Variants in FBN3 observed in about 807,000 individuals in gnomAD.
The protein encoded by FBN3 is fibrillin-3.
Under a neutral mutation model 330.1 loss-of-function variants are expected in FBN3, and 234 were observed. The ratio of observed to expected loss-of-function variants is 0.71; its 90% CI spans 0.64 to 0.79. The LOEUF is 0.79. Ranked by LOEUF, FBN3 falls within the 30% of genes least tolerant of loss-of-function variation. The pLI is 0.00. For missense variants in FBN3, 3,606 were observed against 3,886.9 expected (o/e 0.93, Z 1.92); for synonymous variants, 1,458 against 1,517.3 (o/e 0.96, Z 0.91).
chr19:8,103,612 C>G lies in FBN3; in HGVS notation c.4889G>C (p.Cys1630Ser), dbSNP rs762263164. The G allele has an allele frequency of 1.9e-6, 3 of 1,613,698 alleles. No individual in the cohort carries two copies. In the African/African-American group the frequency reaches 4.0e-5, roughly 22 times the overall value. ...TTGGAGGTACTCTGCAGGGCAGACA[C>G]AGGTGTAGTTCCCCAGGGTGTTGTA... ...TCYNTLGNYT[C>S]VCPAEYLQVN... is the part of the protein sequence containing the mutation. The change falls in exon 39 of 64, where the codon TGT (cysteine) becomes TCT (serine). Residue 1630 changes from cysteine to serine, a missense_variant. Physicochemically the swap from Cys to Ser is moderately radical, Grantham distance 112. Coordinates refer to ENST00000600128, the MANE Select transcript of FBN3 (RefSeq NM_032447.5).
chr19:8,106,961 T>C (rs2082452436), intron 37 of FBN3, among the ~76,000 whole-genome samples: 1 of 150,010 alleles, frequency 6.7e-6, no homozygotes, highest in East Asian at 2.0e-4. Context: ...GATGGATGGA[T>C]GGGAGAGTGG....
At chr19:8,068,856 G>A (rs2081449921) in intron 63 of FBN3, among the ~76,000 whole-genome samples, 1 of 152,126 alleles carries the variant, frequency 6.6e-6, no homozygotes, top group Non-Finnish European at 1.5e-5. Context: ...TTCTGAGAGA[G>A]GCAGGGAAAC....
intron 18 of FBN3, 70 bp from the exon 19 acceptor site, chr19:8,126,902 T>C: frequency 2.7e-6 from 4 of 1,488,916 alleles, no homozygotes; most frequent in Non-Finnish European, 1.8e-6. Flanking sequence ...GGACCCCTCC[T>C]CCCCAAGGGG....
At chr19:8,114,660 A>G (rs1478107568) in intron 30 of FBN3, among the ~76,000 whole-genome samples, 2 of 152,100 alleles carry the variant, frequency 1.3e-5, no homozygotes, top group African/African-American at 2.4e-5. Context: ...CATGGGCTCA[A>G]GCAGTCCTCC....
chr19:8,091,715 G>C, intron 47 of FBN3, 125 bp from the exon 48 acceptor site: 1 of 1,058,114 alleles, frequency 9.5e-7, no homozygotes, highest in Non-Finnish European at 1.4e-6. Flanking sequence ...TGGGGCTGGG[G>C]TCCTGAGAGC....
In FBN3 at chr19:8,115,637, A is replaced by C. The variant is rs1035675363; in HGVS notation, c.3716T>G (p.Val1239Gly). 1.2e-6 allele frequency: 2 copies of C among 1,613,842 alleles called. No individual in the cohort carries two copies. Among genetic ancestry groups the C allele is most frequent in the Admixed American group, 1.7e-5 (1 of 59,982 alleles). The change falls in exon 30 of 64, where the codon GTG (valine) becomes GGG (glycine). Residue 1239 changes from valine to glycine, a missense_variant. Transcript: ENST00000600128. The stretch of plus-strand genomic sequence containing the variant: ...GTGAGGGTTCAGGTCACACTCATCC[A>C]CATCTGTTGGGGAAGAGAGCATGAG... ...ATPDMRTCVD[V>G]DECDLNPHIC...
intron 6 of FBN3, among the ~76,000 whole-genome samples, 161 bp from the exon 7 acceptor site, chr19:8,142,298 AACGAACTCCTATTC>A (rs1428602987): frequency 6.6e-6 from 1 of 151,996 alleles, no homozygotes; most frequent in African/African-American, 2.4e-5. Context: ...TTCCCTACCT[AACGAACTCCTATTC>A]ACCCTTCAAA....
At position 8,120,722 on chromosome 19, in the gene FBN3, C is replaced by T. The variant is rs138119885; in HGVS notation, c.3211+536G>A. Among the ~76,000 whole-genome samples the T allele has an allele frequency of 4.4e-3, 665 of 152,348 alleles. 2 individuals are homozygous for T. Among genetic ancestry groups the T allele is most frequent in the Middle Eastern group, 0.017 (5 of 294 alleles). ...GAACTCCTGGACTCAAGCAATCCTA[C>T]TGCCTCAGCCTCTCAAAATGCTGGG... On this transcript the variant is annotated intron_variant, in intron 25 of 63. Coordinates refer to ENST00000600128, the MANE Select transcript of FBN3 (RefSeq NM_032447.5).
chr19:8,085,351 A>T lies in FBN3; in HGVS notation c.7087+12T>A, dbSNP rs753664544. 1 of 1,561,352 alleles carries T rather than the reference A, an allele frequency of 6.4e-7. No individual in the cohort carries two copies. Among genetic ancestry groups the T allele is most frequent in the Non-Finnish European group, 8.6e-7 (1 of 1,156,780 alleles). On this transcript the variant is annotated intron_variant, in intron 56 of 63. Coordinates refer to ENST00000600128, the MANE Select transcript of FBN3 (RefSeq NM_032447.5). Reference sequence around the variant, plus strand: ...TTGCCTCCCTGGGGGTCCTGAGGGCATGGGCACCCACCTCGGCCCTCAGCA... The same window carrying T: ...TTGCCTCCCTGGGGGTCCTGAGGGCTTGGGCACCCACCTCGGCCCTCAGCA...
At chr19:8,095,551 G>A (rs1245722754) in intron 45 of FBN3, 48 bp from the exon 46 acceptor site, 25 of 1,592,082 alleles carry the variant, frequency 1.6e-5, no homozygotes, top group Non-Finnish European at 2.0e-5. Context: ...AACTTGAAGG[G>A]ATCAAACCTT....
In FBN3 at chr19:8,117,600, G is replaced by A; in HGVS notation, c.3338-11C>T. On this transcript the variant is annotated splice_polypyrimidine_tract_variant and intron_variant, in intron 26 of 63. Transcript: ENST00000600128. ...AGCACTCATCGATGTCTGTGGGGGA[G>A]TGCAGGTGAAAGACGGGCCTGTGCC... The A allele has an allele frequency of 3.3e-6, 5 of 1,529,738 alleles. No individual in the cohort carries two copies. Among genetic ancestry groups the A allele is most frequent in the Admixed American group, 2.0e-5 (1 of 49,670 alleles). The allele number at this position is 1,529,738 out of a possible 1,614,324, so 94.8% of individuals were successfully genotyped here.
chr19:8,110,896 A>G lies in FBN3; in HGVS notation c.4282T>C (p.Cys1428Arg), dbSNP rs200146570. Residue 1428 changes from cysteine to arginine, a missense_variant, in exon 34 of 64, where the codon TGC becomes CGC. By Grantham distance (180) the Cys-to-Arg change is radical (BLOSUM62 -3). Coordinates refer to ENST00000600128, the MANE Select transcript of FBN3 (RefSeq NM_032447.5). ...AGTTCGTAGCCACCATTGCAGATGC[A>G]GCGGAACATTCCAGGCAGGTTCTCA... ...SCENLPGMFR[C>R]ICNGGYELDR... 2.5e-4 allele frequency: 397 copies of G among 1,614,250 alleles called. 1 individual carries two copies. In the Middle Eastern group the frequency reaches 2.6e-3, roughly 11 times the overall value.
At chr19:8,118,090 CACAT>C (rs758127592) in intron 26 of FBN3, among the ~76,000 whole-genome samples, 8 of 152,158 alleles carry the variant, frequency 5.3e-5, no homozygotes, top group African/African-American at 1.2e-4. Context: ...CACAGACACA[CACAT>C]AAACACACCC....
chr19:8,095,528 A>G (rs1379604185), intron 45 of FBN3, 25 bp from the exon 46 acceptor site: 2 of 1,607,308 alleles, frequency 1.2e-6, no homozygotes, highest in Non-Finnish European at 1.7e-6. Context: ...TGGGCAGGCC[A>G]GTTCACCCAC....
At chr19:8,080,822 A>G (rs988118818) in intron 59 of FBN3, among the ~76,000 whole-genome samples, 181 bp downstream of exon 59, 3 of 152,034 alleles carry the variant, frequency 2.0e-5, no homozygotes, top group African/African-American at 7.2e-5. Flanking sequence ...GGTTTTCACC[A>G]TGTTGGCCAG....
chr19:8,092,052 C>A (rs1265181589), intron 47 of FBN3, among the ~76,000 whole-genome samples: 1 of 151,920 alleles, frequency 6.6e-6, no homozygotes, highest in African/African-American at 2.4e-5. Context: ...GTGGTGGGCG[C>A]CTGTAGTCCC....
Position 8,142,106 on chromosome 19 carries a change from T to C in FBN3, c.573A>G (p.Val191=), listed in dbSNP as rs746265466. ...DYRTGPCFGQ[V]GPEGCQHQLT... ...GCTGATGCTGGCACCCCTCGGGGCC[T>C]ACTTGGCCAAAGCAGGGTCCCGTCC... is the stretch of plus-strand genomic sequence containing the variant. Residue 191 remains valine, a synonymous_variant, in exon 7 of 64, where the codon GTA becomes GTG. Coordinates refer to ENST00000600128, the MANE Select transcript of FBN3 (RefSeq NM_032447.5). 6.2e-7 allele frequency: 1 copy of C among 1,612,622 alleles called. No homozygotes were observed. Among genetic ancestry groups the C allele is most frequent in the East Asian group, 2.2e-5 (1 of 44,828 alleles).
chr19:8,066,643 G>A (rs1382252710), intron 63 of FBN3, among the ~76,000 whole-genome samples: 1 of 152,178 alleles, frequency 6.6e-6, no homozygotes, highest in Non-Finnish European at 1.5e-5. Flanking sequence ...CACTTTGGGA[G>A]GCCGAGGCGG....
At chr19:8,088,274 G>C (rs878922278) in intron 51 of FBN3, 95 bp from the exon 52 acceptor site, 3 of 1,453,290 alleles carry the variant, frequency 2.1e-6, no homozygotes, top group African/African-American at 1.4e-5. Context: ...ACAGATCGGA[G>C]GGGGCCAGAT....
Sources: allele counts gnomAD v4.1 joint callset (sites outside exome capture counted in the v4.1 genomes callset), GRCh38; gene constraint gnomAD v4.1.1; transcripts MANE v1.5; gene names NCBI Gene and HGNC (gene_info 2026-07-23, HGNC 2026-07-21).